Variants in GRK3 observed in about 807,000 individuals in gnomAD.
The protein encoded by GRK3 is adrenergic, beta, receptor kinase 2.
In GRK3, 54 loss-of-function variants were observed where a neutral mutation model predicts 95.7. The ratio of observed to expected loss-of-function variants is 0.56; its 90% CI spans 0.45 to 0.71. The LOEUF (loss-of-function observed/expected upper bound fraction) is 0.71, where lower values mean the gene tolerates loss of function less well. Among genes scored for constraint, GRK3 ranks in the 30% least tolerant of loss-of-function variants. GRK3 has a pLI of 0.00. For missense variants in GRK3, 649 were observed against 851.2 expected (o/e 0.76, Z 2.96); for synonymous variants, 281 against 290.8 (o/e 0.97, Z 0.34).
chr22:25,695,651 T>C (rs948305533), intron 13 of GRK3, among the ~76,000 whole-genome samples: 5 of 151,248 alleles, frequency 3.3e-5, no homozygotes, highest in Non-Finnish European at 7.4e-5. Context: ...AAACCTATTT[T>C]ATTTTATTTT....
At chr22:25,656,074 A>T in intron 3 of GRK3, among the ~76,000 whole-genome samples, 1 of 152,178 alleles carries the variant, frequency 6.6e-6, no homozygotes, top group East Asian at 1.9e-4. Flanking sequence ...TGGAATGATT[A>T]TAGTACCTGT....
chr22:25,718,176 A>C, intron 18 of GRK3, 69 bp from the exon 19 acceptor site: 1 of 1,507,030 alleles, frequency 6.6e-7, no homozygotes, highest in Non-Finnish European at 9.0e-7. Context: ...TTCTTTTTTC[A>C]GAGAATAATG....
At chr22:25,594,675 G>A (rs1484444101) in intron 1 of GRK3, among the ~76,000 whole-genome samples, 1 of 152,052 alleles carries the variant, frequency 6.6e-6, no homozygotes, top group Non-Finnish European at 1.5e-5. Context: ...TCAGGAGATC[G>A]AGACCATCCT....
At chr22:25,652,913 G>A (rs2084844458) in intron 3 of GRK3, among the ~76,000 whole-genome samples, 1 of 152,108 alleles carries the variant, frequency 6.6e-6, no homozygotes, top group Non-Finnish European at 1.5e-5. Context: ...TTGAATCCTA[G>A]GAGCAATAGG....
chr22:25,720,213 T>C (rs1027158491), intron 19 of GRK3, among the ~76,000 whole-genome samples: 1 of 152,188 alleles, frequency 6.6e-6, no homozygotes, highest in Non-Finnish European at 1.5e-5. Context: ...AACAAAACTT[T>C]TACCTTTGTT....
chr22:25,620,882 G>A (rs1057008983), intron 2 of GRK3, among the ~76,000 whole-genome samples: 4 of 152,202 alleles, frequency 2.6e-5, no homozygotes, highest in African/African-American at 9.7e-5. Context: ...ATCAGTAAGA[G>A]GGGGCTTAAT....
At chr22:25,710,976 A>C (rs1471334011) in intron 16 of GRK3, 92 bp from the exon 17 acceptor site, 6 of 641,888 alleles carry the variant, frequency 9.3e-6, no homozygotes, top group Non-Finnish European at 1.6e-5. Flanking sequence ...GCATGCGGAT[A>C]TCTCGCACTG....
intron 3 of GRK3, among the ~76,000 whole-genome samples, chr22:25,656,297 T>A (rs1189269933): frequency 6.6e-6 from 1 of 152,182 alleles, no homozygotes; most frequent in Non-Finnish European, 1.5e-5. Flanking sequence ...ATTTTTTCAC[T>A]GATTCAACCA....
intron 12 of GRK3, among the ~76,000 whole-genome samples, chr22:25,694,729 G>A (rs1217383148): frequency 3.3e-5 from 5 of 152,074 alleles, no homozygotes; most frequent in East Asian, 1.9e-4. Context: ...CAGCGTGGTC[G>A]CCTGTTCATC....
At chr22:25,664,709 C>A (rs976375257) in intron 5 of GRK3, among the ~76,000 whole-genome samples, 3 of 151,724 alleles carry the variant, frequency 2.0e-5, no homozygotes, top group Non-Finnish European at 4.4e-5. Flanking sequence ...TTAGTAGAGA[C>A]GGGGTTTCAT....
chr22:25,637,674 G>A (rs79589092), intron 2 of GRK3, among the ~76,000 whole-genome samples: 2,627 of 152,318 alleles, frequency 0.017, 79 homozygotes, highest in African/African-American at 0.059. Context: ...CTAAGGGACT[G>A]TATATTCTTT....
At chr22:25,649,894 T>C (rs552335528) in intron 3 of GRK3, among the ~76,000 whole-genome samples, 6 of 152,266 alleles carry the variant, frequency 3.9e-5, no homozygotes, top group Admixed American at 2.0e-4. Context: ...AACTGAAAAG[T>C]AGAATAAGAA....
intron 19 of GRK3, among the ~76,000 whole-genome samples, chr22:25,719,210 A>G (rs1051241072): frequency 6.6e-6 from 1 of 151,376 alleles, no homozygotes; most frequent in Admixed American, 6.6e-5. Context: ...AAAAAAAAAA[A>G]CTCCATGTGT....
chr22:25,630,496 T>C (rs1389627948), intron 2 of GRK3, among the ~76,000 whole-genome samples: 2 of 152,208 alleles, frequency 1.3e-5, no homozygotes, highest in East Asian at 1.9e-4. Context: ...CATGGTGGCA[T>C]AGTCAGAAAT....
In GRK3 at chr22:25,570,074, C is replaced by T. The variant is rs76311780; in HGVS notation, c.113+4921C>T. Among the ~76,000 whole-genome samples the T allele has an allele frequency of 1.8e-3, 280 of 152,288 alleles. 1 individual carries two copies. The highest frequency in any genetic ancestry group is 6.5e-3 in the African/African-American group (272 of 41,554). On this transcript the variant is annotated intron_variant, in intron 1 of 20. Coordinates refer to ENST00000324198, the MANE Select transcript of GRK3 (RefSeq NM_005160.4). ...ATTTTGCAAGGAATGGATGAAACTGCGATACTTTTTTATTTGGGGGAAAAA... is the reference window on the plus strand; with the variant it reads ...ATTTTGCAAGGAATGGATGAAACTGTGATACTTTTTTATTTGGGGGAAAAA...
intron 2 of GRK3, among the ~76,000 whole-genome samples, chr22:25,627,218 A>G (rs868228167): frequency 1.3e-5 from 2 of 152,324 alleles, no homozygotes; most frequent in Middle Eastern, 3.4e-3. Flanking sequence ...TTATGAAACA[A>G]TTGCCCACTT....
intron 13 of GRK3, among the ~76,000 whole-genome samples, chr22:25,698,329 C>A (rs1438598238): frequency 2.0e-5 from 3 of 152,108 alleles, no homozygotes; most frequent in Non-Finnish European, 4.4e-5. Context: ...CACACAAAAT[C>A]TTTGAGGGAT....
intron 1 of GRK3, among the ~76,000 whole-genome samples, chr22:25,580,008 C>T (rs1205409764): frequency 6.6e-6 from 1 of 152,058 alleles, no homozygotes; most frequent in Admixed American, 6.5e-5. Context: ...CTGTGTACCC[C>T]CTAATGTGAG....
At chr22:25,589,013 C>A (rs1932410939) in intron 1 of GRK3, among the ~76,000 whole-genome samples, 1 of 152,142 alleles carries the variant, frequency 6.6e-6, no homozygotes, top group South Asian at 2.1e-4. Flanking sequence ...TGAAGTGATG[C>A]TTCTGCCTCA....
Sources: gnomAD v4.1 joint callset for allele counts (sites outside exome capture counted in the v4.1 genomes callset) on GRCh38, gnomAD v4.1.1 for gene constraint, MANE v1.5 for transcripts, NCBI Gene and HGNC (gene_info 2026-07-23, HGNC 2026-07-21) for gene names.